SNPH: variants seen among roughly 807,000 people sequenced by gnomAD.
SNPH encodes syntaphilin.
In SNPH, 10 loss-of-function variants were observed where a neutral mutation model predicts 36.8. The ratio of observed to expected loss-of-function variants is 0.27; its 90% CI spans 0.17 to 0.46. The LOEUF (loss-of-function observed/expected upper bound fraction) is 0.46, where lower values mean the gene tolerates loss of function less well. Ranked by LOEUF, SNPH falls within the 20% of genes least tolerant of loss-of-function variation. The probability of loss-of-function intolerance (pLI) is 1.00; values close to 1 mark genes in which losing one functional copy is unlikely to be tolerated. For missense variants in SNPH, 622 were observed against 744.0 expected, an observed-to-expected ratio of 0.84 and a Z score of 1.91; for synonymous variants, 281 against 312.2, an observed-to-expected ratio of 0.90 and a Z score of 1.05.
rs990589300 is a variant in SNPH at position 1,285,812 on chromosome 20, G to C, written c.-492-9139G>C. 2.0e-5 allele frequency among the ~76,000 whole-genome samples: 3 copies of C among 152,152 alleles called. No homozygotes were observed. Among genetic ancestry groups the C allele is most frequent in the African/African-American group, 7.2e-5 (3 of 41,416 alleles). Reference sequence around the variant, plus strand: ...AAAACTCGTTCTGAGATAGATAAAGGGTGGCCGGGTGCAGTGGCTCATGCC... The same window carrying C: ...AAAACTCGTTCTGAGATAGATAAAGCGTGGCCGGGTGCAGTGGCTCATGCC... On this transcript the variant is annotated intron_variant, in intron 2 of 6. Transcript: ENST00000381867. The surrounding 1 kb of genome is among the most constrained non-coding windows in gnomAD (Gnocchi z 4.9).
At position 1,305,604 on chromosome 20, in the gene SNPH, G is replaced by C. The variant is rs764884983; in HGVS notation, c.1167G>C (p.Gly389=). 2 of 1,613,574 alleles carry C rather than the reference G, an allele frequency of 1.2e-6. No individual in the cohort carries two copies. The highest frequency in any genetic ancestry group is 4.5e-5 in the East Asian group (2 of 44,888). ...TCTGTGGGACAGACCCTGAGTCAGGGGACAGGTGCCCAGAGCTGGATGCCC... is the reference window on the plus strand; with the variant it reads ...TCTGTGGGACAGACCCTGAGTCAGGCGACAGGTGCCCAGAGCTGGATGCCC... The part of the protein sequence containing the change: ...AQVCGTDPES[G]DRCPELDAHP... Residue 389 remains glycine, a synonymous_variant, in exon 7 of 7, where the codon GGG becomes GGC. Coordinates refer to ENST00000381867, the MANE Select transcript of SNPH (RefSeq NM_001318234.2).
intron 2 of SNPH, among the ~76,000 whole-genome samples, chr20:1,293,374 A>C (rs2088388268): frequency 6.6e-6 from 1 of 152,136 alleles, no homozygotes; most frequent in African/African-American, 2.4e-5. Flanking sequence ...CTGGGGTTAA[A>C]GTGATGAGAG....
At chr20:1,283,696 C>T (rs986851473) in intron 2 of SNPH, among the ~76,000 whole-genome samples, 3 of 152,178 alleles carry the variant, frequency 2.0e-5, no homozygotes, top group African/African-American at 7.2e-5. Flanking sequence ...TCTCCGTAGT[C>T]ACCTGTCTCT....
chr20:1,266,547 C>G lies in SNPH; in HGVS notation c.-599-107C>G. The G allele has an allele frequency of 2.9e-6, 4 of 1,370,444 alleles. No individual in the cohort carries two copies. The highest frequency in any genetic ancestry group is 3.8e-6 in the Non-Finnish European group (4 of 1,062,684). 84.9% of individuals were successfully genotyped at this position (1,370,444 alleles called of 1,614,324 possible). ...CCGGCAGGCAGCCTGCCCTCCAAGC[C>G]TTCTGGCTGCAGCGGCCCAGCTGTC... On this transcript the variant is annotated intron_variant, in intron 1 of 6. Transcript: ENST00000381867. The surrounding 1 kb of genome is among the most constrained non-coding windows in gnomAD (Gnocchi z 6.0).
In SNPH at chr20:1,296,296, G is replaced by C; in HGVS notation, c.57G>C (p.Ala19=). ...RMTWPGPALS[A]GPPTRPLSSA... ...CGTGGCCTGGCCCGGCCCTTTCTGC[G>C]GGCCCCCCAACCCGCCCTCTCTCCT... Residue 19 remains alanine, a synonymous_variant, in exon 4 of 7, where the codon GCG becomes GCC. Coordinates refer to ENST00000381867, the MANE Select transcript of SNPH (RefSeq NM_001318234.2). The C allele has an allele frequency of 6.3e-7, 1 of 1,576,094 alleles. No homozygotes were observed. Among genetic ancestry groups the C allele is most frequent in the Non-Finnish European group, 8.6e-7 (1 of 1,162,988 alleles).
rs530506553 is a variant in SNPH, at chr20:1,266,536, G to GC, written c.-599-115dup. 6,579 of 1,337,862 alleles carry GC rather than the reference G, an allele frequency of 4.9e-3. 32 individuals carry two copies. The highest frequency in any genetic ancestry group is 0.014 in the Middle Eastern group (51 of 3,588). 82.9% of individuals were successfully genotyped at this position (1,337,862 alleles called of 1,614,324 possible). On this transcript the variant is annotated intron_variant, in intron 1 of 6. Coordinates refer to ENST00000381867, the MANE Select transcript of SNPH (RefSeq NM_001318234.2). This position sits in a 1 kb window ranked among gnomAD's most constrained non-coding sequence, Gnocchi z 6.0. ...GGACGGAGCACCCGGCAGGCAGCCT[G>GC]CCCTCCAAGCCTTCTGGCTGCAGCG... is the stretch of plus-strand genomic sequence containing the variant.
Position 1,285,033 on chromosome 20 carries a change from TCTGTGA to T in SNPH, c.-492-9912_-492-9907del, listed in dbSNP as rs1309485216. On this transcript the variant is annotated intron_variant, in intron 2 of 6. Coordinates refer to ENST00000381867, the MANE Select transcript of SNPH (RefSeq NM_001318234.2). This position sits in a 1 kb window ranked among gnomAD's most constrained non-coding sequence, Gnocchi z 4.9. ...GTGAAGATGCCGAAAGGTGTCAGAT[TCTGTGA>T]CTGTGTCGCCTCAGTTTCCTTATCT... 6.6e-6 allele frequency among the ~76,000 whole-genome samples: 1 copy of T among 152,152 alleles called. No individual in the cohort carries two copies. The highest frequency in any genetic ancestry group is 1.5e-5 in the Non-Finnish European group (1 of 68,036).
chr20:1,273,759 A>G (rs554936996), intron 2 of SNPH, among the ~76,000 whole-genome samples: 2 of 152,312 alleles, frequency 1.3e-5, no homozygotes, highest in East Asian at 3.9e-4. Context: ...GGGCAGATGC[A>G]GAAGAAAGGC....
At position 1,308,732 on chromosome 20, in the gene SNPH, A is replaced by C. The variant is rs1270651548; in HGVS notation, c.*2678A>C. ...TTTTCCTCCTGCCCTCAGCCTCTGAAACAGAAATCTTTGGGGCCTCCCCTT... is the reference window on the plus strand; with the variant it reads ...TTTTCCTCCTGCCCTCAGCCTCTGACACAGAAATCTTTGGGGCCTCCCCTT... On this transcript the variant is annotated 3_prime_UTR_variant, in exon 7 of 7. Coordinates refer to ENST00000381867, the MANE Select transcript of SNPH (RefSeq NM_001318234.2). 1 of 152,526 alleles carries C rather than the reference A, an allele frequency of 6.6e-6. No individual in the cohort carries two copies. Among genetic ancestry groups the C allele is most frequent in the Non-Finnish European group, 1.5e-5 (1 of 68,300 alleles). 9.4% of individuals were successfully genotyped at this position (152,526 alleles called of 1,614,324 possible).
chr20:1,297,126 C>G lies in SNPH; in HGVS notation c.183-19C>G, dbSNP rs1340049727. 25 of 1,605,300 alleles carry G rather than the reference C, an allele frequency of 1.6e-5. No homozygotes were observed. The highest frequency in any genetic ancestry group is 2.1e-5 in the Non-Finnish European group (25 of 1,175,266). On this transcript the variant is annotated intron_variant, in intron 4 of 6. Coordinates refer to ENST00000381867, the MANE Select transcript of SNPH (RefSeq NM_001318234.2). ...CCCGCCAGCCAGAACGAGCACCTGC[C>G]TCTTCTTCCTGCCTCCAGGCGCACC...
chr20:1,277,102 T>C (rs1328972489), intron 2 of SNPH, among the ~76,000 whole-genome samples: 1 of 152,146 alleles, frequency 6.6e-6, no homozygotes, highest in Non-Finnish European at 1.5e-5. Context: ...CTGGCTGGGA[T>C]ATTAGGGGCA....
rs190343739 is a variant in SNPH at position 1,294,781 on chromosome 20, C to T, written c.-492-170C>T. Among the ~76,000 whole-genome samples, 113 of 152,234 alleles carry T rather than the reference C, an allele frequency of 7.4e-4. No homozygotes were observed. The highest frequency in any genetic ancestry group is 1.4e-3 in the Non-Finnish European group (97 of 68,016). ...CCTGACATGGGAAGGGGGTGGTCCCCGGGCCAGAGACTCTGGGGTTTGAGA... is the reference window on the plus strand; with the variant it reads ...CCTGACATGGGAAGGGGGTGGTCCCTGGGCCAGAGACTCTGGGGTTTGAGA... On this transcript the variant is annotated intron_variant, in intron 2 of 6. Transcript: ENST00000381867. The surrounding 1 kb of genome is among the most constrained non-coding windows in gnomAD (Gnocchi z 4.4).
At position 1,266,474 on chromosome 20, in the gene SNPH, G is replaced by GGGGGT. The variant is rs1288257608; in HGVS notation, c.-600+87_-600+91dup. ...CCGCAGTCCAGAGTGCCGAGTGCCA[G>GGGGGT]GGGGTGGGGTGGGGGCCGCGGGCCG... On this transcript the variant is annotated intron_variant, in intron 1 of 6. Coordinates refer to ENST00000381867, the MANE Select transcript of SNPH (RefSeq NM_001318234.2). This position sits in a 1 kb window ranked among gnomAD's most constrained non-coding sequence, Gnocchi z 6.0. 5 of 884,102 alleles carry GGGGGT rather than the reference G, an allele frequency of 5.7e-6. No homozygotes were observed. Among genetic ancestry groups the GGGGGT allele is most frequent in the East Asian group, 3.3e-5 (1 of 29,898 alleles). The allele number at this position is 884,102 out of a possible 1,614,324, so 54.8% of individuals were successfully genotyped here. A position where few individuals can be genotyped will look rare whatever the true frequency, so the allele number is the denominator to read the frequency against.
Position 1,305,955 on chromosome 20 carries a change from G to T in SNPH, c.1518G>T (p.Arg506=). The T allele has an allele frequency of 6.4e-7, 1 of 1,569,660 alleles. No homozygotes were observed. The highest frequency in any genetic ancestry group is 2.4e-5 in the East Asian group (1 of 42,416). ...QPIYNISSLL[R]GCCTVALHSI... ...TCTACAACATCAGCTCCCTGCTGCG[G>T]GGCTGCTGCACTGTGGCCTTGCACT... is the stretch of plus-strand genomic sequence containing the variant. Residue 506 remains arginine (R), a synonymous_variant, in exon 7 of 7, where the codon CGG becomes CGT. Transcript: ENST00000381867.
In SNPH at chr20:1,305,386, G is replaced by A. The variant is rs567905357; in HGVS notation, c.949G>A (p.Glu317Lys). The change falls in exon 7 of 7, where the codon GAG becomes AAG. Residue 317 changes from glutamate to lysine, a missense_variant. Physicochemically the swap from Glu to Lys is moderately conservative, Grantham distance 56. Coordinates refer to ENST00000381867, the MANE Select transcript of SNPH (RefSeq NM_001318234.2). Reference sequence around the variant, plus strand: ...GTCGTCGGGGGTGGACTGTGGCACCGAGGAGACCTCGCTGCACAGCTCCTT... The same window carrying A: ...GTCGTCGGGGGTGGACTGTGGCACCAAGGAGACCTCGCTGCACAGCTCCTT... ...LLSSGVDCGT[E>K]ETSLHSSFGL... The A allele has an allele frequency of 1.6e-5, 25 of 1,612,876 alleles. No individual in the cohort carries two copies. The highest frequency in any genetic ancestry group is 1.2e-4 in the Admixed American group (7 of 60,026).
In SNPH at chr20:1,285,119, G is replaced by A. The variant is rs528735512; in HGVS notation, c.-492-9832G>A. ...AAGCTGACAGGCTTTTCTGATAGAC[G>A]TGAGAGTGTTGGCCTACCCGACTGG... On this transcript the variant is annotated intron_variant, in intron 2 of 6. Coordinates refer to ENST00000381867, the MANE Select transcript of SNPH (RefSeq NM_001318234.2). This position sits in a 1 kb window ranked among gnomAD's most constrained non-coding sequence, Gnocchi z 4.9. 7.2e-5 allele frequency among the ~76,000 whole-genome samples: 11 copies of A among 152,280 alleles called. No individual in the cohort carries two copies. In the South Asian group the frequency reaches 1.2e-3, roughly 17 times the overall value.
At chr20:1,289,473 C>A (rs980175175) in intron 2 of SNPH, among the ~76,000 whole-genome samples, 3 of 150,552 alleles carry the variant, frequency 2.0e-5, no homozygotes, top group Non-Finnish European at 2.9e-5. Flanking sequence ...CCTTTCTGGA[C>A]CATGCCTGTC....
Position 1,306,027 on chromosome 20 carries a change from C to A in SNPH, c.1590C>A (p.Ser530Arg). The A allele has an allele frequency of 6.7e-7, 1 of 1,492,566 alleles. No individual in the cohort carries two copies. 92.5% of individuals were successfully genotyped at this position (1,492,566 alleles called of 1,614,324 possible). Reference sequence around the variant, plus strand: ...GCTCGCTGAGCCAGCCGAGTCCCAGCCCAGCGGGCGGCGGCTCCCAGCTCT... The same window carrying A: ...GCTCGCTGAGCCAGCCGAGTCCCAGACCAGCGGGCGGCGGCTCCCAGCTCT... ...SCRSLSQPSPSPAGGGSQL is the reference protein window; with the variant it reads ...SCRSLSQPSPRPAGGGSQL The change falls in exon 7 of 7, where the codon AGC becomes AGA. Residue 530 changes from serine to arginine, a missense_variant. Physicochemically the swap from Ser to Arg is moderately radical, Grantham distance 110. Coordinates refer to ENST00000381867, the MANE Select transcript of SNPH (RefSeq NM_001318234.2).
At chr20:1,269,744 G>A (rs574947073) in intron 2 of SNPH, among the ~76,000 whole-genome samples, 25 of 152,290 alleles carry the variant, frequency 1.6e-4, no homozygotes, top group South Asian at 1.2e-3. Flanking sequence ...CCCCTTTACC[G>A]AGGATAATGG....
Sources: allele counts gnomAD v4.1 joint callset (sites outside exome capture counted in the v4.1 genomes callset), GRCh38; gene constraint gnomAD v4.1.1; non-coding constraint Gnocchi (gnomAD v3.1); transcripts MANE v1.5; gene names NCBI Gene and HGNC (gene_info 2026-07-23, HGNC 2026-07-21).